Variants in RESF1 observed in about 807,000 individuals in gnomAD.
RESF1 encodes the protein retroelement silencing factor 1.
Under a neutral mutation model 134.7 loss-of-function variants are expected in RESF1, and 65 were observed. The ratio of observed to expected loss-of-function variants is 0.48; its 90% CI spans 0.40 to 0.59. RESF1 has a LOEUF of 0.59. Among genes scored for constraint, RESF1 ranks in the 20% least tolerant of loss-of-function variants. RESF1 has a pLI of 0.00. For missense variants in RESF1, 2,274 were observed against 2,002.7 expected, an observed-to-expected ratio of 1.14 and a Z score of -2.59; for synonymous variants, 762 against 702.2, an observed-to-expected ratio of 1.09 and a Z score of -1.35.
In RESF1 at chr12:31,983,988, C is replaced by A; in HGVS notation, c.3033C>A (p.Cys1011Ter). Residue 1011 changes from cysteine to a stop codon, truncating the protein, a stop_gained, in exon 4 of 6, where the codon TGC becomes TGA. Coordinates refer to ENST00000312561, the MANE Select transcript of RESF1 (RefSeq NM_018169.4). LOFTEE classifies it high-confidence loss of function. ...ATEKSTANDT[C>*]SSAAIQEDIY... ...AAAAAAGCACAGCTAACGATACGTG[C>A]TCGTCAGCTGCTATTCAGGAGGATA... is the stretch of plus-strand genomic sequence containing the variant. The A allele has an allele frequency of 6.2e-7, 1 of 1,613,902 alleles. No individual in the cohort carries two copies. The highest frequency in any genetic ancestry group is 8.5e-7 in the Non-Finnish European group (1 of 1,179,954).
chr12:31,992,847 C>T lies in RESF1; in HGVS notation c.*312C>T, dbSNP rs1190149977. 3.2e-6 allele frequency: 1 copy of T among 314,458 alleles called. No homozygotes were observed. Among genetic ancestry groups the T allele is most frequent in the Non-Finnish European group, 6.0e-6 (1 of 167,300 alleles). 19.5% of individuals were successfully genotyped at this position (314,458 alleles called of 1,614,324 possible). ...AAATTCTACCCATCTTGAGGGAGGA[C>T]CGTTCCTCAGTTAAGGACTTGTTTA... On this transcript the variant is annotated 3_prime_UTR_variant, in exon 6 of 6. Coordinates refer to ENST00000312561, the MANE Select transcript of RESF1 (RefSeq NM_018169.4).
rs1939923990 is a variant in RESF1, at chr12:31,984,862, A to G, written c.3907A>G (p.Thr1303Ala). The change falls in exon 4 of 6, where the codon ACC becomes GCC. Residue 1303 changes from threonine to alanine, a missense_variant. Thr to Ala is a moderately conservative substitution (Grantham distance 58, BLOSUM62 0). Coordinates refer to ENST00000312561, the MANE Select transcript of RESF1 (RefSeq NM_018169.4). ...KRKKLRFHEV[T>A]FHSSNKMTAS... is the part of the protein sequence containing the mutation. ...AAAAAAATTGAGGTTTCACGAGGTA[A>G]CCTTTCACTCCAGTAATAAAATGAC... 1.2e-6 allele frequency: 2 copies of G among 1,604,306 alleles called. No homozygotes were observed. The highest frequency in any genetic ancestry group is 1.7e-6 in the Non-Finnish European group (2 of 1,177,766).
At chr12:31,968,027 A>G (rs941001584) in intron 2 of RESF1, among the ~76,000 whole-genome samples, 2 of 152,212 alleles carry the variant, frequency 1.3e-5, no homozygotes, top group African/African-American at 4.8e-5. Context: ...TACATTTGGA[A>G]TTCCTGAAAA....
intron 3 of RESF1, among the ~76,000 whole-genome samples, chr12:31,978,963 C>G (rs1270410168): frequency 1.3e-5 from 2 of 150,738 alleles, no homozygotes; most frequent in Non-Finnish European, 3.0e-5. Flanking sequence ...CTCTGTCACC[C>G]AGGCTGGAGT....
chr12:31,977,801 CTTTTTTTTTTT>C (rs3075963), intron 3 of RESF1, among the ~76,000 whole-genome samples: 2 of 124,398 alleles, frequency 1.6e-5, no homozygotes, highest in South Asian at 2.7e-4. Context: ...TTCTTTCTTT[CTTTTTTTTTTT>C]TTTTTTTTTT....
At chr12:31,973,312 C>CT (rs112386514) in intron 3 of RESF1, among the ~76,000 whole-genome samples, 24,933 of 147,588 alleles carry the variant, frequency 0.17, 2,449 homozygotes, top group African/African-American at 0.29. Context: ...ATGGATTTGA[C>CT]TTTTTTTTTT....
At chr12:31,965,039 C>T (rs1228334255) in intron 2 of RESF1, among the ~76,000 whole-genome samples, 1 of 152,156 alleles carries the variant, frequency 6.6e-6, no homozygotes, top group Non-Finnish European at 1.5e-5. Context: ...GTGATCTTGG[C>T]TCACTGTAAC....
Position 31,984,621 on chromosome 12 carries a change from T to C in RESF1, c.3666T>C (p.Ser1222=), listed in dbSNP as rs1378660474. The C allele has an allele frequency of 1.3e-6, 2 of 1,575,174 alleles. No individual in the cohort carries two copies. The highest frequency in any genetic ancestry group is 2.7e-5 in the African/African-American group (2 of 72,818). Residue 1222 remains serine (S), a synonymous_variant, in exon 4 of 6, where the codon TCT becomes TCC. Transcript: ENST00000312561. The stretch of plus-strand genomic sequence containing the variant: ...GTTGTAAACAAGGAGAGAGAACTTC[T>C]GATAGAGATGTCACTGTTGTTCAAT... ...TNSCKQGERT[S]DRDVTVVQFK...
chr12:31,974,439 CAGGGTCA>C, intron 3 of RESF1, among the ~76,000 whole-genome samples: 1 of 151,972 alleles, frequency 6.6e-6, no homozygotes, highest in South Asian at 2.1e-4. Flanking sequence ...GCTAGAAGTC[CAGGGTCA>C]ATATGTTTGA....
intron 3 of RESF1, among the ~76,000 whole-genome samples, chr12:31,977,141 C>T (rs1023690161): frequency 2.3e-4 from 35 of 152,076 alleles, no homozygotes; most frequent in African/African-American, 7.7e-4. Flanking sequence ...TTCATTGTGC[C>T]CTGTTATAGG....
At chr12:31,962,122 G>A (rs546617481) in intron 2 of RESF1, among the ~76,000 whole-genome samples, 36 of 151,488 alleles carry the variant, frequency 2.4e-4, no homozygotes, top group Non-Finnish European at 5.0e-4. Context: ...TGTAATCCTA[G>A]CTACTCAAGT....
chr12:31,977,445 C>T (rs1312242616), intron 3 of RESF1, among the ~76,000 whole-genome samples: 5 of 152,178 alleles, frequency 3.3e-5, no homozygotes, highest in Non-Finnish European at 5.9e-5. Flanking sequence ...CTCGGCCTCC[C>T]AAAGTGCTGG....
rs751278552 is a variant in RESF1, at chr12:31,982,264, C to T, written c.1309C>T (p.Pro437Ser). 1.2e-6 allele frequency: 2 copies of T among 1,613,974 alleles called. No individual in the cohort carries two copies. Among genetic ancestry groups the T allele is most frequent in the Non-Finnish European group, 1.7e-6 (2 of 1,179,990 alleles). ...AATGACTAATACTTCTTATAGTGAACCAGCTCAGAATTCTAAATTGTCTCT... is the reference window on the plus strand; with the variant it reads ...AATGACTAATACTTCTTATAGTGAATCAGCTCAGAATTCTAAATTGTCTCT... The part of the protein sequence containing the change: ...IKMTNTSYSE[P>S]AQNSKLSLKQ... The change falls in exon 4 of 6, where the codon CCA becomes TCA. Residue 437 changes from proline to serine, a missense_variant. Transcript: ENST00000312561.
chr12:31,985,138 C>A lies in RESF1; in HGVS notation c.4183C>A (p.Gln1395Lys). ...AGTAAAGAAAAAGAAACATGATAAA[C>A]AAGAACAGAAAGGAAGTGTGGGAGC... ...MEVKKKKHDK[Q>K]EQKGSVGATF... The change falls in exon 4 of 6, where the codon CAA becomes AAA. Residue 1395 changes from glutamine (Q) to lysine (K), a missense_variant. Transcript: ENST00000312561. The A allele has an allele frequency of 1.3e-6, 2 of 1,548,208 alleles. No individual in the cohort carries two copies. The highest frequency in any genetic ancestry group is 4.5e-5 in the Admixed American group (2 of 44,340).
In RESF1 at chr12:31,982,080, T is replaced by G. The variant is rs745475168; in HGVS notation, c.1125T>G (p.Ser375=). 2 of 1,614,170 alleles carry G rather than the reference T, an allele frequency of 1.2e-6. No homozygotes were observed. The highest frequency in any genetic ancestry group is 1.7e-5 in the Admixed American group (1 of 60,012). Residue 375 remains serine (S), a synonymous_variant, in exon 4 of 6, where the codon TCT becomes TCG. Coordinates refer to ENST00000312561, the MANE Select transcript of RESF1 (RefSeq NM_018169.4). ...AQTNEEKIMD[S]CNPTSNQVLD... ...CTAATGAAGAGAAAATAATGGATTC[T>G]TGCAATCCAACTTCAAATCAAGTAC...
intron 5 of RESF1, among the ~76,000 whole-genome samples, chr12:31,988,289 G>A (rs1012466241): frequency 6.6e-6 from 1 of 152,090 alleles, no homozygotes; most frequent in African/African-American, 2.4e-5. Context: ...CCGTATCTGC[G>A]TGTTCCGTAT....
Position 31,985,627 on chromosome 12 carries a change from T to C in RESF1, c.4672T>C (p.Leu1558=). 6.2e-7 allele frequency: 1 copy of C among 1,609,226 alleles called. No individual in the cohort carries two copies. Among genetic ancestry groups the C allele is most frequent in the South Asian group, 1.1e-5 (1 of 89,458 alleles). The change falls in exon 4 of 6, where the codon TTA becomes CTA. Residue 1558 remains leucine, a synonymous_variant. Coordinates refer to ENST00000312561, the MANE Select transcript of RESF1 (RefSeq NM_018169.4). ...IWIDKTKLDK[L]TNISNEAQFS... ...GATTGATAAGACTAAATTAGACAAA[T>C]TAACCAATATAAGCAACGAAGCTCA...
intron 5 of RESF1, among the ~76,000 whole-genome samples, 187 bp from the exon 6 acceptor site, chr12:31,992,191 A>G (rs10844086): frequency 0.37 from 56,491 of 151,946 alleles, 10,929 homozygotes; most frequent in Non-Finnish European, 0.43. Context: ...CCCAAAAGAA[A>G]GGCAAGATGT....
rs749080424 is a variant in RESF1, at chr12:31,981,018, AC to A, written c.65del (p.Pro22LeufsTer7). ...LPPLYPKSQP[P>X]FLHQSLINQI... ...CACCACTGTATCCTAAAAGCCAGCC[AC>A]CTTTTTTGCACCAGTCTTTAATAAA... On this transcript the variant is annotated frameshift_variant, in exon 4 of 6. Coordinates refer to ENST00000312561, the MANE Select transcript of RESF1 (RefSeq NM_018169.4). LOFTEE classifies it high-confidence loss of function. 1 of 1,613,882 alleles carries A rather than the reference AC, an allele frequency of 6.2e-7. No individual in the cohort carries two copies. Among genetic ancestry groups the A allele is most frequent in the African/African-American group, 1.3e-5 (1 of 74,920 alleles).
Sources: allele counts gnomAD v4.1 joint callset (sites outside exome capture counted in the v4.1 genomes callset), GRCh38; gene constraint gnomAD v4.1.1; transcripts MANE v1.5; gene names NCBI Gene and HGNC (gene_info 2026-07-23, HGNC 2026-07-21).